Variants in SETBP1 observed in about 807,000 individuals in gnomAD.
The protein encoded by SETBP1 is SET-binding protein.
In SETBP1, 9 loss-of-function variants were observed where a neutral mutation model predicts 101.0. The ratio of observed to expected loss-of-function variants is 0.09; its 90% CI spans 0.05 to 0.16. SETBP1 has a LOEUF of 0.16. SETBP1 is among the 10% of genes least tolerant of loss of function. The pLI, the probability that SETBP1 is intolerant of heterozygous loss-of-function variation, is 1.00. For synonymous variants in SETBP1, 818 were observed against 788.5 expected, an observed-to-expected ratio of 1.04 and a Z score of -0.63; for missense variants, 1,858 against 2,033.8, an observed-to-expected ratio of 0.91 and a Z score of 1.66.
chr18:44,740,605 C>A (rs1395066235), intron 2 of SETBP1, among the ~76,000 whole-genome samples: 4 of 152,152 alleles, frequency 2.6e-5, no homozygotes, highest in Non-Finnish European at 5.9e-5. Context: ...ACTCTCTGAT[C>A]CTGTGCTTTT....
intron 3 of SETBP1, among the ~76,000 whole-genome samples, chr18:44,917,615 C>T (rs1007415466): frequency 4.6e-5 from 7 of 152,100 alleles, no homozygotes; most frequent in African/African-American, 1.7e-4. Context: ...CTGATGCCTC[C>T]CCATCCACCC....
At chr18:44,964,282 G>A (rs2071674821) in intron 4 of SETBP1, among the ~76,000 whole-genome samples, 1 of 152,126 alleles carries the variant, frequency 6.6e-6, no homozygotes, top group Middle Eastern at 3.2e-3. Context: ...CCTGGGCAAA[G>A]TGGCTCACAC....
At chr18:44,909,971 C>T (rs59822729) in intron 3 of SETBP1, among the ~76,000 whole-genome samples, 42 of 152,272 alleles carry the variant, frequency 2.8e-4, no homozygotes, top group African/African-American at 8.9e-4. Context: ...TTCAAGGAAG[C>T]ACCTTCCAAG....
chr18:44,809,258 T>A (rs1168492282), intron 2 of SETBP1, among the ~76,000 whole-genome samples: 7 of 152,108 alleles, frequency 4.6e-5, no homozygotes, highest in Non-Finnish European at 8.8e-5. Context: ...TTTAAAAAAA[T>A]TAATTACATG....
rs2073952291 is a variant in SETBP1, at chr18:45,065,302, C to T, written c.*1604C>T. 6.6e-6 allele frequency: 1 copy of T among 152,148 alleles called. No individual in the cohort carries two copies. The highest frequency in any genetic ancestry group is 1.5e-5 in the Non-Finnish European group (1 of 68,024). 9.4% of individuals were successfully genotyped at this position (152,148 alleles called of 1,614,324 possible). On this transcript the variant is annotated 3_prime_UTR_variant, in exon 6 of 6. Transcript: ENST00000649279. ...TATTTTCAATTTCCTCCCTCACTCC[C>T]TCTTACCTTCCCCAAGACATCAAAC...
chr18:44,998,536 G>C (rs938142706), intron 4 of SETBP1, among the ~76,000 whole-genome samples: 14 of 152,232 alleles, frequency 9.2e-5, no homozygotes, highest in African/African-American at 2.9e-4. Context: ...TGTATTCACA[G>C]CTTCCAGCGC....
At chr18:44,698,798 G>A (rs934911770) in intron 1 of SETBP1, among the ~76,000 whole-genome samples, 6 of 152,164 alleles carry the variant, frequency 3.9e-5, no homozygotes, top group African/African-American at 1.4e-4. Flanking sequence ...TGAGGAAAAA[G>A]ATTGTGTTTT....
At chr18:44,772,083 T>C (rs1287291250) in intron 2 of SETBP1, among the ~76,000 whole-genome samples, 1 of 152,180 alleles carries the variant, frequency 6.6e-6, no homozygotes, top group Non-Finnish European at 1.5e-5. Context: ...ACTTTATGCT[T>C]CCTCTTTCCC....
intron 2 of SETBP1, among the ~76,000 whole-genome samples, chr18:44,821,750 G>C (rs2072118503): frequency 6.6e-6 from 1 of 152,220 alleles, no homozygotes; most frequent in Admixed American, 6.5e-5. Flanking sequence ...GGGAAAGAAA[G>C]ACTCATGGGT....
intron 4 of SETBP1, among the ~76,000 whole-genome samples, chr18:44,957,838 T>C (rs1268264495): frequency 2.0e-5 from 3 of 152,188 alleles, no homozygotes; most frequent in South Asian, 2.1e-4. Context: ...AGAAGAGGAC[T>C]AATGGGAGGA....
rs1413936151 is a variant in SETBP1 at position 44,713,583 on chromosome 18, G to T, written c.486+11751G>T. On this transcript the variant is annotated intron_variant, in intron 2 of 5. Coordinates refer to ENST00000649279, the MANE Select transcript of SETBP1 (RefSeq NM_015559.3). The stretch of plus-strand genomic sequence containing the variant: ...GAGTACAATACTGGGAGGTGATCTG[G>T]CCCTGCATTATGCCAGGGTATTGTA... Among the ~76,000 whole-genome samples, 3 of 152,102 alleles carry T rather than the reference G, an allele frequency of 2.0e-5. No homozygotes were observed. The East Asian group carries it at 5.8e-4, about 29-fold the overall frequency.
chr18:44,820,657 G>A (rs1000150592), intron 2 of SETBP1, among the ~76,000 whole-genome samples: 1 of 152,188 alleles, frequency 6.6e-6, no homozygotes, highest in Non-Finnish European at 1.5e-5. Context: ...TTTCTGAAAT[G>A]TCAATCCTGT....
chr18:44,914,016 G>A (rs941160854), intron 3 of SETBP1, among the ~76,000 whole-genome samples: 20 of 152,176 alleles, frequency 1.3e-4, no homozygotes, highest in African/African-American at 4.6e-4. Flanking sequence ...CTCAGACCTG[G>A]TCTGTCAGTG....
intron 2 of SETBP1, among the ~76,000 whole-genome samples, chr18:44,757,784 C>T (rs1038556887): frequency 6.6e-6 from 1 of 151,992 alleles, no homozygotes; most frequent in Non-Finnish European, 1.5e-5. Context: ...CTCTTAAGAA[C>T]TCTGTTTGAA....
intron 4 of SETBP1, among the ~76,000 whole-genome samples, chr18:45,019,923 A>G (rs1218015866): frequency 3.9e-5 from 6 of 152,168 alleles, no homozygotes; most frequent in South Asian, 4.1e-4. Flanking sequence ...GCTGCTTAAG[A>G]AAAAGCACCT....
chr18:45,029,496 C>A (rs1309317692), intron 4 of SETBP1, among the ~76,000 whole-genome samples: 2 of 152,148 alleles, frequency 1.3e-5, no homozygotes, highest in Non-Finnish European at 2.9e-5. Context: ...GCGATGCAAG[C>A]TCTTTTTTGA....
At chr18:44,935,178 C>G (rs902646692) in intron 3 of SETBP1, among the ~76,000 whole-genome samples, 1 of 152,182 alleles carries the variant, frequency 6.6e-6, no homozygotes, top group Non-Finnish European at 1.5e-5. Context: ...GAGTGAGGCA[C>G]CAAATGCTTG....
Position 44,905,217 on chromosome 18 carries a change from C to T in SETBP1, c.540+35934C>T, listed in dbSNP as rs148099102. 4.9e-3 allele frequency among the ~76,000 whole-genome samples: 747 copies of T among 152,166 alleles called. 8 individuals are homozygous for T. The highest frequency in any genetic ancestry group is 0.017 in the African/African-American group (721 of 41,528). On this transcript the variant is annotated intron_variant, in intron 3 of 5. Coordinates refer to ENST00000649279, the MANE Select transcript of SETBP1 (RefSeq NM_015559.3). ...CAAAGCTGGAACAGAAAAGAACAGA[C>T]CAAGTTCAGTGGAGTCCAAGAAGCA...
intron 3 of SETBP1, among the ~76,000 whole-genome samples, chr18:44,896,643 C>T (rs770449388): frequency 6.6e-6 from 1 of 152,102 alleles, no homozygotes; most frequent in African/African-American, 2.4e-5. Context: ...GTGCACACCA[C>T]CACATCCAAG....
Sources: allele counts gnomAD v4.1 joint callset (sites outside exome capture counted in the v4.1 genomes callset), GRCh38; gene constraint gnomAD v4.1.1; transcripts MANE v1.5; gene names NCBI Gene and HGNC (gene_info 2026-07-23, HGNC 2026-07-21).